The following USP12 variants were observed in gnomAD, a reference collection of about 807,000 sequenced individuals.
The protein encoded by USP12 is ubiquitin specific peptidase 12.
A neutral mutation model predicts 45.5 loss-of-function variants in USP12; 19 were observed. The ratio of observed to expected loss-of-function variants is 0.42; its 90% CI spans 0.29 to 0.61. USP12 has a LOEUF of 0.61. Among genes scored for constraint, USP12 ranks in the 20% least tolerant of loss-of-function variants. The pLI is 0.22. For synonymous variants in USP12, 149 were observed against 148.8 expected (o/e 1.00, Z -0.01); for missense variants, 242 against 447.7 (o/e 0.54, Z 4.15).
rs201634442 is a variant in USP12 at position 27,090,064 on chromosome 13, A to G, written c.650+18T>C. On this transcript the variant is annotated intron_variant, in intron 5 of 8. Transcript: ENST00000282344. ...AAAAATAATTATTAAATTTCAAACT[A>G]AATAATTCTACATATACCTTAAGCA... 6.3e-7 allele frequency: 1 copy of G among 1,580,100 alleles called. No individual in the cohort carries two copies. The highest frequency in any genetic ancestry group is 1.3e-5 in the African/African-American group (1 of 74,190).
intron 1 of USP12, among the ~76,000 whole-genome samples, chr13:27,117,959 C>T (rs979918534): frequency 6.7e-6 from 1 of 150,180 alleles, no homozygotes; most frequent in Non-Finnish European, 1.5e-5. Context: ...AAAAGCAATT[C>T]TGTTAATATA....
At chr13:27,157,691 C>A (rs187834541) in intron 1 of USP12, among the ~76,000 whole-genome samples, 11 of 152,290 alleles carry the variant, frequency 7.2e-5, no homozygotes, top group African/African-American at 2.6e-4. Context: ...TCACTTCTCA[C>A]TTCCTCGCCA....
intron 1 of USP12, among the ~76,000 whole-genome samples, chr13:27,137,292 G>T (rs1876847758): frequency 6.6e-6 from 1 of 152,138 alleles, no homozygotes; most frequent in African/African-American, 2.4e-5. Flanking sequence ...TATGTTTAGA[G>T]ATAGGTCATG....
intron 1 of USP12, among the ~76,000 whole-genome samples, chr13:27,123,543 T>A (rs1328489079): frequency 6.6e-6 from 1 of 152,218 alleles, no homozygotes; most frequent in African/African-American, 2.4e-5. Flanking sequence ...ATTGTAGCTC[T>A]CATAATTCCC....
intron 2 of USP12, among the ~76,000 whole-genome samples, chr13:27,114,941 C>T (rs909690018): frequency 1.3e-5 from 2 of 152,142 alleles, no homozygotes; most frequent in Non-Finnish European, 2.9e-5. Context: ...GCTGTGATGG[C>T]ACCACCACAC....
At chr13:27,102,128 G>A (rs1874894830) in intron 3 of USP12, among the ~76,000 whole-genome samples, 1 of 152,174 alleles carries the variant, frequency 6.6e-6, no homozygotes, top group Admixed American at 6.5e-5. Flanking sequence ...ACACTGCTAA[G>A]GTTCAGTGAG....
chr13:27,081,168 T>C (rs973186813), intron 6 of USP12, among the ~76,000 whole-genome samples: 5 of 152,340 alleles, frequency 3.3e-5, no homozygotes, highest in South Asian at 2.1e-4. Context: ...CTTTCACAGA[T>C]TTCTCTGTAG....
At chr13:27,078,346 A>G (rs909170553) in intron 6 of USP12, among the ~76,000 whole-genome samples, 3 of 152,192 alleles carry the variant, frequency 2.0e-5, no homozygotes, top group African/African-American at 7.2e-5. Flanking sequence ...TCATATGCAA[A>G]TGCTATGCCA....
chr13:27,084,778 T>G (rs900636971), intron 6 of USP12, among the ~76,000 whole-genome samples: 1 of 152,232 alleles, frequency 6.6e-6, no homozygotes, highest in Admixed American at 6.5e-5. Context: ...CCATACTATT[T>G]TAATTACTTT....
At chr13:27,097,234 G>A (rs1874629663) in intron 3 of USP12, among the ~76,000 whole-genome samples, 1 of 151,298 alleles carries the variant, frequency 6.6e-6, no homozygotes, top group Non-Finnish European at 1.5e-5. Context: ...GGGAGGCCAA[G>A]GCAGGTGGAT....
intron 1 of USP12, among the ~76,000 whole-genome samples, chr13:27,123,172 T>C (rs113240422): frequency 9.8e-4 from 149 of 152,270 alleles, no homozygotes; most frequent in African/African-American, 3.5e-3. Context: ...GAGACCATGG[T>C]ATACTACAAG....
intron 3 of USP12, among the ~76,000 whole-genome samples, chr13:27,096,243 A>G (rs1874577045): frequency 6.6e-6 from 1 of 152,262 alleles, no homozygotes; most frequent in Non-Finnish European, 1.5e-5. Flanking sequence ...TTTATCAAAA[A>G]TAAATTACTG....
intron 4 of USP12, among the ~76,000 whole-genome samples, chr13:27,094,569 TGA>T (rs1441357209): frequency 6.6e-6 from 1 of 152,104 alleles, no homozygotes; most frequent in East Asian, 1.9e-4. Context: ...ATTTCACCAA[TGA>T]GAGGCAGATG....
intron 6 of USP12, among the ~76,000 whole-genome samples, chr13:27,082,078 G>T (rs1053504715): frequency 6.6e-6 from 1 of 152,170 alleles, no homozygotes; most frequent in Admixed American, 6.5e-5. Flanking sequence ...TGCATTAACC[G>T]CTAACCAGAG....
chr13:27,075,500 G>A, intron 6 of USP12, 112 bp from the exon 7 acceptor site: 1 of 862,982 alleles, frequency 1.2e-6, no homozygotes, highest in South Asian at 1.8e-5. Context: ...AGTTTTAATA[G>A]CCCAGCAATG....
At chr13:27,077,296 C>T (rs1206160115) in intron 6 of USP12, 1 of 152,006 alleles carries the variant, frequency 6.6e-6, no homozygotes, top group East Asian at 1.9e-4. Flanking sequence ...TGAGAATTTC[C>T]AATGGATGGT....
intron 1 of USP12, among the ~76,000 whole-genome samples, chr13:27,155,441 A>G (rs76652701): frequency 0.078 from 11,815 of 152,136 alleles, 1,039 homozygotes; most frequent in East Asian, 0.3. Flanking sequence ...TTGTGGTAAT[A>G]TGTTACAGCC....
chr13:27,074,163 G>A (rs1565980597), intron 7 of USP12, among the ~76,000 whole-genome samples: 1 of 152,330 alleles, frequency 6.6e-6, no homozygotes, highest in African/African-American at 2.4e-5. Context: ...CACTTTGGGA[G>A]GCCGAGGCGG....
chr13:27,090,307 T>C (rs1230655532), intron 4 of USP12, 149 bp from the exon 5 acceptor site: 4 of 597,500 alleles, frequency 6.7e-6, no homozygotes, highest in Non-Finnish European at 1.1e-5. Context: ...ATTTGGATTA[T>C]CCAAAAGGAC....
Sources: gnomAD v4.1 joint callset for allele counts (sites outside exome capture counted in the v4.1 genomes callset) on GRCh38, gnomAD v4.1.1 for gene constraint, MANE v1.5 for transcripts, NCBI Gene and HGNC (gene_info 2026-07-23, HGNC 2026-07-21) for gene names.